MLF1: variants seen among roughly 807,000 people sequenced by gnomAD.
MLF1 encodes myelodysplasia-myeloid leukemia factor 1.
A neutral mutation model predicts 38.3 loss-of-function variants in MLF1; 37 were observed. The ratio of observed to expected loss-of-function variants is 0.96; its 90% CI spans 0.74 to 1.27. The LOEUF is 1.27. Ranked by LOEUF, MLF1 falls within the 50% of genes most tolerant of loss-of-function variation. MLF1 has a pLI of 0.00. For synonymous variants in MLF1, 95 were observed against 106.5 expected, an observed-to-expected ratio of 0.89 and a Z score of 0.66; for missense variants, 331 against 349.2, an observed-to-expected ratio of 0.95 and a Z score of 0.42.
At chr3:158,582,506 C>T (rs1383129722) in intron 1 of MLF1, 2 of 199,058 alleles carry the variant, frequency 1.0e-5, no homozygotes, top group Non-Finnish European at 1.0e-5. Flanking sequence ...GAACACCAAG[C>T]AGAATAAATG....
intron 7 of MLF1, 90 bp downstream of exon 7, chr3:158,603,029 GATC>G: frequency 8.5e-7 from 1 of 1,173,816 alleles, no homozygotes; most frequent in East Asian, 2.5e-5. Context: ...AAGTTTTGAT[GATC>G]ATCCAAATTG....
chr3:158,590,969 A>C (rs1374356810), intron 1 of MLF1, among the ~76,000 whole-genome samples: 1 of 152,182 alleles, frequency 6.6e-6, no homozygotes, highest in African/African-American at 2.4e-5. Context: ...ACTTGGAACA[A>C]TTATGCTTTT....
At chr3:158,584,974 G>GAGGATCAC (rs1717007244) in intron 1 of MLF1, among the ~76,000 whole-genome samples, 1 of 146,486 alleles carries the variant, frequency 6.8e-6, no homozygotes, top group Admixed American at 6.9e-5. Flanking sequence ...GGTGTTTAAG[G>GAGGATCAC]TTGCAGTGAG....
Position 158,598,062 on chromosome 3 carries a change from C to A in MLF1, c.325-18C>A. The stretch of plus-strand genomic sequence containing the variant: ...TTTATATTTGACTCGACTGAATTTA[C>A]AATTTGTTTACCTGTAGGGTCAACT... On this transcript the variant is annotated intron_variant, in intron 4 of 7. Transcript: ENST00000466246. The A allele has an allele frequency of 6.2e-7, 1 of 1,609,194 alleles. No individual in the cohort carries two copies. The highest frequency in any genetic ancestry group is 8.5e-7 in the Non-Finnish European group (1 of 1,178,382).
chr3:158,578,051 C>T (rs1443185741), intron 1 of MLF1, among the ~76,000 whole-genome samples: 1 of 152,192 alleles, frequency 6.6e-6, no homozygotes, highest in Non-Finnish European at 1.5e-5. Flanking sequence ...TTTTAGATGT[C>T]TTGGTTCCTG....
At chr3:158,578,034 T>C (rs1048172092) in intron 1 of MLF1, among the ~76,000 whole-genome samples, 2 of 152,230 alleles carry the variant, frequency 1.3e-5, no homozygotes, top group African/African-American at 2.4e-5. Context: ...TGGGTTCTCT[T>C]TTAAATTTTT....
intron 3 of MLF1, among the ~76,000 whole-genome samples, chr3:158,594,391 G>A (rs1718600116): frequency 6.6e-6 from 1 of 152,164 alleles, no homozygotes; most frequent in Non-Finnish European, 1.5e-5. Context: ...AACATGTTTA[G>A]TATCACTTAG....
intron 5 of MLF1, among the ~76,000 whole-genome samples, 195 bp downstream of exon 5, chr3:158,598,403 ATT>A (rs11336788): frequency 2.0e-5 from 3 of 149,726 alleles, no homozygotes; most frequent in South Asian, 2.1e-4. Context: ...AGTTTGTGGC[ATT>A]TTTTTTGTAG....
chr3:158,574,515 A>ACAAAAAAC (rs1425725290), intron 1 of MLF1, among the ~76,000 whole-genome samples: 12 of 143,124 alleles, frequency 8.4e-5, no homozygotes, highest in Admixed American at 1.4e-4. Flanking sequence ...TAAAAAAAAA[A>ACAAAAAAC]AAAAAAAAAA....
At chr3:158,571,586 C>A (rs1714293341) in intron 1 of MLF1, among the ~76,000 whole-genome samples, 1 of 112,590 alleles carries the variant, frequency 8.9e-6, no homozygotes, top group Admixed American at 9.7e-5. Flanking sequence ...AGGGTTTGGA[C>A]GCGTGAGGTA....
At chr3:158,577,149 GTATT>G (rs1371147831) in intron 1 of MLF1, among the ~76,000 whole-genome samples, 1 of 152,018 alleles carries the variant, frequency 6.6e-6, no homozygotes, top group Non-Finnish European at 1.5e-5. Context: ...TTACAAATTT[GTATT>G]TATTTTATAC....
At chr3:158,593,049 T>G (rs1718388288) in intron 2 of MLF1, among the ~76,000 whole-genome samples, 1 of 152,124 alleles carries the variant, frequency 6.6e-6, no homozygotes, top group Non-Finnish European at 1.5e-5. Context: ...AACCTTTGCT[T>G]GTATCTCAAA....
chr3:158,592,016 A>T (rs1718225087), intron 1 of MLF1, among the ~76,000 whole-genome samples: 1 of 152,230 alleles, frequency 6.6e-6, no homozygotes, highest in African/African-American at 2.4e-5. Context: ...CACTTAACCT[A>T]CCGAGTATCA....
chr3:158,579,123 A>G (rs926946551), intron 1 of MLF1, among the ~76,000 whole-genome samples: 10 of 152,152 alleles, frequency 6.6e-5, no homozygotes, highest in African/African-American at 2.2e-4. Context: ...ACTAGTTTGT[A>G]TAGCATGACC....
chr3:158,600,074 G>T lies in MLF1; in HGVS notation c.514G>T (p.Gly172Cys). ...CAGTGGACTAGAAAAAATGGCTATT[G>T]GTCATCATATCCATGACCGAGCTCA... ...SDSGLEKMAI[G>C]HHIHDRAHVI... Residue 172 changes from glycine (G) to cysteine (C), a missense_variant, in exon 6 of 8, where the codon GGT (glycine) becomes TGT (cysteine). Physicochemically the swap from Gly to Cys is radical, Grantham distance 159. Transcript: ENST00000466246. 6.8e-7 allele frequency: 1 copy of T among 1,466,060 alleles called. No homozygotes were observed. Among genetic ancestry groups the T allele is most frequent in the Non-Finnish European group, 9.1e-7 (1 of 1,100,372 alleles). 90.8% of individuals were successfully genotyped at this position (1,466,060 alleles called of 1,614,324 possible). A position where few individuals can be genotyped will look rare whatever the true frequency, so the allele number is the denominator to read the frequency against.
At chr3:158,580,344 T>C (rs1431435576) in intron 1 of MLF1, among the ~76,000 whole-genome samples, 1 of 151,962 alleles carries the variant, frequency 6.6e-6, no homozygotes, top group African/African-American at 2.4e-5. Flanking sequence ...GAGTGATACG[T>C]ATGCCAAATT....
chr3:158,585,480 A>C (rs2108590750), intron 1 of MLF1, among the ~76,000 whole-genome samples: 2 of 152,308 alleles, frequency 1.3e-5, no homozygotes, highest in East Asian at 3.9e-4. Flanking sequence ...TAAATTACCC[A>C]GCCTCAGGTA....
chr3:158,598,431 G>T (rs138855706), intron 5 of MLF1, among the ~76,000 whole-genome samples: 2 of 124,332 alleles, frequency 1.6e-5, no homozygotes, highest in Admixed American at 1.6e-4. Context: ...CCACCCCCCC[G>T]TGAGGGTGCC....
At chr3:158,573,487 C>T (rs1178932802) in intron 1 of MLF1, 1 of 151,110 alleles carries the variant, frequency 6.6e-6, no homozygotes, top group African/African-American at 2.4e-5. Context: ...TAATGTGATG[C>T]CCTAGAAAGA....
Sources: allele counts gnomAD v4.1 joint callset (sites outside exome capture counted in the v4.1 genomes callset), GRCh38; gene constraint gnomAD v4.1.1; transcripts MANE v1.5; gene names NCBI Gene and HGNC (gene_info 2026-07-23, HGNC 2026-07-21).